Variants in PARD3B observed in about 807,000 individuals in gnomAD.
PARD3B encodes the protein partitioning defective 3 homolog B.
A neutral mutation model predicts 130.2 loss-of-function variants in PARD3B; 103 were observed. That is an observed-to-expected ratio of 0.79 (90% CI 0.67 to 0.93). PARD3B has a LOEUF of 0.93. Among genes scored for constraint, PARD3B ranks in the 40% least tolerant of loss-of-function variants. The pLI is 0.00. For synonymous variants in PARD3B, 583 were observed against 553.2 expected, an observed-to-expected ratio of 1.05 and a Z score of -0.76; for missense variants, 1,609 against 1,499.2, an observed-to-expected ratio of 1.07 and a Z score of -1.21.
At chr2:204,564,366 G>A (rs2031542731) in intron 1 of PARD3B, among the ~76,000 whole-genome samples, 1 of 152,184 alleles carries the variant, frequency 6.6e-6, no homozygotes, top group South Asian at 2.1e-4. Context: ...GACAAATGCA[G>A]TAGAGGATGA....
In PARD3B at chr2:205,589,697, C is replaced by A. The variant is rs2054317293; in HGVS notation, c.3261-25759C>A. 6.6e-6 allele frequency among the ~76,000 whole-genome samples: 1 copy of A among 152,150 alleles called. No homozygotes were observed. Among genetic ancestry groups the A allele is most frequent in the Admixed American group, 6.5e-5 (1 of 15,282 alleles). ...TCTCTATTGGAGAATTGCTAGAGGA[C>A]TCGAGTTAGGGATGATTCACTTTCT... On this transcript the variant is annotated intron_variant, in intron 22 of 22. Transcript: ENST00000406610. This position sits in a 1 kb window ranked among gnomAD's most constrained non-coding sequence, Gnocchi z 4.1.
chr2:205,467,005 G>A (rs781254655), intron 20 of PARD3B, among the ~76,000 whole-genome samples: 7 of 152,198 alleles, frequency 4.6e-5, no homozygotes, highest in South Asian at 2.1e-4. Flanking sequence ...GAGCCACAAC[G>A]CCCAACCAGG....
chr2:204,995,227 C>T (rs1438350233), intron 3 of PARD3B, among the ~76,000 whole-genome samples: 1 of 152,036 alleles, frequency 6.6e-6, no homozygotes, highest in East Asian at 1.9e-4. Context: ...ACTGGTTGTT[C>T]CTTTCCATGT....
chr2:205,414,640 G>T (rs2046712927), intron 19 of PARD3B, among the ~76,000 whole-genome samples: 2 of 151,944 alleles, frequency 1.3e-5, no homozygotes, highest in Admixed American at 6.6e-5. Flanking sequence ...AATAATAGTG[G>T]ACTCTATTAT....
At chr2:205,456,825 G>A (rs1221903359) in intron 20 of PARD3B, among the ~76,000 whole-genome samples, 1 of 148,352 alleles carries the variant, frequency 6.7e-6, no homozygotes, top group African/African-American at 2.5e-5. Context: ...ATTTTTAATT[G>A]TATTAAATAT....
intron 2 of PARD3B, among the ~76,000 whole-genome samples, chr2:204,885,878 T>C (rs2046254383): frequency 6.6e-6 from 1 of 152,150 alleles, no homozygotes; most frequent in East Asian, 1.9e-4. Context: ...GAATACATGC[T>C]GAATGAGCCA....
intron 2 of PARD3B, among the ~76,000 whole-genome samples, chr2:204,775,098 A>G (rs2041562884): frequency 6.6e-6 from 1 of 152,162 alleles, no homozygotes; most frequent in Admixed American, 6.6e-5. Context: ...TGAGGTTCTC[A>G]AATCTTCCTG....
intron 2 of PARD3B, among the ~76,000 whole-genome samples, chr2:204,854,255 A>G (rs1053821857): frequency 6.6e-6 from 1 of 152,178 alleles, no homozygotes; most frequent in Non-Finnish European, 1.5e-5. Context: ...TTCAAGGTCT[A>G]TATGGAAGTA....
At chr2:205,113,241 G>T (rs1405016514) in intron 5 of PARD3B, among the ~76,000 whole-genome samples, 1 of 152,084 alleles carries the variant, frequency 6.6e-6, no homozygotes, top group Non-Finnish European at 1.5e-5. Flanking sequence ...ATTTTTGTAG[G>T]TAGTCATTTC....
chr2:204,674,748 T>A (rs2036457128), intron 1 of PARD3B, among the ~76,000 whole-genome samples: 1 of 152,202 alleles, frequency 6.6e-6, no homozygotes, highest in Non-Finnish European at 1.5e-5. Context: ...TTGTTACCTG[T>A]AAAATGCTTT....
intron 1 of PARD3B, among the ~76,000 whole-genome samples, chr2:204,681,179 ATCTTTATTAATACT>A (rs1574688294): frequency 6.6e-6 from 1 of 152,250 alleles, no homozygotes. Flanking sequence ...ATCCCACTTT[ATCTTTATTAATACT>A]TCTTTCCTTG....
In PARD3B at chr2:205,142,182, G is replaced by T. The variant is rs1465327283; in HGVS notation, c.1434+16445G>T. On this transcript the variant is annotated intron_variant, in intron 10 of 22. Coordinates refer to ENST00000406610, the MANE Select transcript of PARD3B (RefSeq NM_001302769.2). This position sits in a 1 kb window ranked among gnomAD's most constrained non-coding sequence, Gnocchi z 4.3. ...AAACAGCAGGTGACAATTAAGATGGGATTTGATAGGTAAGAGTTTGCTAGT... is the reference window on the plus strand; with the variant it reads ...AAACAGCAGGTGACAATTAAGATGGTATTTGATAGGTAAGAGTTTGCTAGT... 3.3e-5 allele frequency among the ~76,000 whole-genome samples: 5 copies of T among 152,190 alleles called. No individual in the cohort carries two copies. The highest frequency in any genetic ancestry group is 4.8e-5 in the African/African-American group (2 of 41,436).
chr2:205,165,030 C>T (rs1337721218), intron 11 of PARD3B, among the ~76,000 whole-genome samples: 1 of 152,052 alleles, frequency 6.6e-6, no homozygotes, highest in Non-Finnish European at 1.5e-5. Flanking sequence ...ATAAAAACCA[C>T]CACCAAGAAG....
chr2:204,787,889 A>G (rs977873311), intron 2 of PARD3B, among the ~76,000 whole-genome samples: 1 of 152,174 alleles, frequency 6.6e-6, no homozygotes, highest in African/African-American at 2.4e-5. Flanking sequence ...GTCATGGCAG[A>G]GTGTGGCTAT....
chr2:204,819,860 C>T (rs1437105206), intron 2 of PARD3B, among the ~76,000 whole-genome samples: 1 of 152,054 alleles, frequency 6.6e-6, no homozygotes, highest in Non-Finnish European at 1.5e-5. Context: ...TGACTCTCTT[C>T]AGTTTAACGA....
intron 1 of PARD3B, among the ~76,000 whole-genome samples, chr2:204,604,431 C>CT (rs1447044009): frequency 1.3e-5 from 2 of 152,192 alleles, no homozygotes; most frequent in Non-Finnish European, 2.9e-5. Flanking sequence ...TATGTTTCCC[C>CT]TTTAAATGCT....
intron 16 of PARD3B, among the ~76,000 whole-genome samples, chr2:205,267,618 G>A (rs1296810680): frequency 2.0e-5 from 3 of 152,130 alleles, no homozygotes; most frequent in Non-Finnish European, 4.4e-5. Flanking sequence ...TCATGCAAAT[G>A]TCATGGTATG....
chr2:204,830,868 A>G (rs1326675528), intron 2 of PARD3B, among the ~76,000 whole-genome samples: 1 of 152,220 alleles, frequency 6.6e-6, no homozygotes, highest in Non-Finnish European at 1.5e-5. Context: ...TCATTGTCCC[A>G]TTAGGTCTCT....
intron 21 of PARD3B, among the ~76,000 whole-genome samples, chr2:205,520,685 T>TAC (rs111642220): frequency 0.034 from 5,133 of 151,402 alleles, 179 homozygotes; most frequent in South Asian, 0.14. Context: ...TTTCTTTCTA[T>TAC]ACACACACAC....
Sources: gnomAD v4.1 joint callset for allele counts (sites outside exome capture counted in the v4.1 genomes callset) on GRCh38, gnomAD v4.1.1 for gene constraint, Gnocchi (gnomAD v3.1) non-coding constraint, MANE v1.5 for transcripts, NCBI Gene and HGNC (gene_info 2026-07-23, HGNC 2026-07-21) for gene names.